The following MARCHF11 variants were observed in gnomAD, a reference collection of about 807,000 sequenced individuals.
MARCHF11 encodes the protein membrane associated ring-CH-type finger 11, also known as E3 ubiquitin-protein ligase MARCHF11.
Under a neutral mutation model 37.3 loss-of-function variants are expected in MARCHF11, and 29 were observed. The observed-to-expected ratio is 0.78, with a 90% CI of 0.58 to 1.06. MARCHF11 has a LOEUF of 1.06. Among genes scored for constraint, MARCHF11 ranks in the 50% least tolerant of loss-of-function variants. The pLI is 0.00. For missense variants in MARCHF11, 482 were observed against 533.4 expected (o/e 0.90, Z 0.95); for synonymous variants, 233 against 228.0 (o/e 1.02, Z -0.20).
chr5:16,106,184 C>T (rs1737036213), intron 2 of MARCHF11, among the ~76,000 whole-genome samples: 1 of 152,060 alleles, frequency 6.6e-6, no homozygotes, highest in African/African-American at 2.4e-5. Context: ...ATGAGACCTT[C>T]CAGGCAGGAG....
chr5:16,129,208 T>A (rs769524258), intron 2 of MARCHF11: 2 of 152,214 alleles, frequency 1.3e-5, no homozygotes, highest in Non-Finnish European at 2.9e-5. Context: ...CTGCTGTATA[T>A]CTTGGCACAA....
At chr5:16,123,171 T>C (rs530740930) in intron 2 of MARCHF11, among the ~76,000 whole-genome samples, 1 of 152,184 alleles carries the variant, frequency 6.6e-6, no homozygotes, top group African/African-American at 2.4e-5. Context: ...CTCAGATACT[T>C]ACATGTTGAA....
chr5:16,091,131 A>G, intron 2 of MARCHF11, 50 bp from the exon 3 acceptor site: 1 of 1,237,134 alleles, frequency 8.1e-7, no homozygotes, highest in Non-Finnish European at 1.0e-6. Flanking sequence ...ATAATTAAAA[A>G]AGAAAAAAAA....
At chr5:16,125,473 C>T (rs1737387639) in intron 2 of MARCHF11, among the ~76,000 whole-genome samples, 1 of 152,140 alleles carries the variant, frequency 6.6e-6, no homozygotes. Flanking sequence ...ATAGAATTAA[C>T]TTCCCAGTAA....
intron 2 of MARCHF11, among the ~76,000 whole-genome samples, chr5:16,114,029 T>C (rs183790021): frequency 1.3e-5 from 2 of 152,292 alleles, no homozygotes; most frequent in Admixed American, 1.3e-4. Context: ...CCCCATATGA[T>C]TGCGAAAATG....
intron 2 of MARCHF11, among the ~76,000 whole-genome samples, chr5:16,151,879 T>C (rs937549861): frequency 6.9e-6 from 1 of 145,888 alleles, no homozygotes; most frequent in Non-Finnish European, 1.5e-5. Flanking sequence ...TTTGTTGTTG[T>C]TGTTTTGTCA....
At chr5:16,113,182 C>T (rs980982502) in intron 2 of MARCHF11, among the ~76,000 whole-genome samples, 1 of 152,016 alleles carries the variant, frequency 6.6e-6, no homozygotes, top group African/African-American at 2.4e-5. Flanking sequence ...CTATTTTTTC[C>T]CAAAATCACC....
At chr5:16,079,966 C>G (rs773821624) in intron 3 of MARCHF11, among the ~76,000 whole-genome samples, 2 of 152,158 alleles carry the variant, frequency 1.3e-5, no homozygotes, top group African/African-American at 4.8e-5. Flanking sequence ...TGGATTTTCA[C>G]TCTTTCTTCT....
chr5:16,107,919 A>T (rs1460642013), intron 2 of MARCHF11, among the ~76,000 whole-genome samples: 1 of 151,980 alleles, frequency 6.6e-6, no homozygotes, highest in Non-Finnish European at 1.5e-5. Context: ...TCCCCCTTCC[A>T]GCTCCCCATC....
chr5:16,134,651 C>T (rs1213523909), intron 2 of MARCHF11, among the ~76,000 whole-genome samples: 2 of 152,080 alleles, frequency 1.3e-5, no homozygotes, highest in Non-Finnish European at 2.9e-5. Flanking sequence ...ACCTATTAGC[C>T]ATACTTCTCA....
chr5:16,086,312 C>T (rs1465758799), intron 3 of MARCHF11, among the ~76,000 whole-genome samples: 1 of 152,086 alleles, frequency 6.6e-6, no homozygotes, highest in Non-Finnish European at 1.5e-5. Flanking sequence ...AGAAAGGGGA[C>T]ATTTCTGCAA....
intron 2 of MARCHF11, among the ~76,000 whole-genome samples, chr5:16,105,847 CCCCT>C (rs915656975): frequency 1.0e-3 from 157 of 151,856 alleles, no homozygotes; most frequent in African/African-American, 3.7e-3. Flanking sequence ...CTTTTGAGTT[CCCCT>C]CCCATCTCTG....
At chr5:16,134,494 C>T (rs932818293) in intron 2 of MARCHF11, among the ~76,000 whole-genome samples, 1 of 152,192 alleles carries the variant, frequency 6.6e-6, no homozygotes, top group African/African-American at 2.4e-5. Context: ...TAGCCAACAA[C>T]TTTCTCCTCT....
chr5:16,092,784 T>C (rs1736807901), intron 2 of MARCHF11, among the ~76,000 whole-genome samples: 1 of 152,266 alleles, frequency 6.6e-6, no homozygotes, highest in Non-Finnish European at 1.5e-5. Context: ...TGATATTATT[T>C]TGTCATTACA....
At chr5:16,166,577 T>C (rs567027192) in intron 2 of MARCHF11, among the ~76,000 whole-genome samples, 101 of 151,980 alleles carry the variant, frequency 6.6e-4, no homozygotes, top group African/African-American at 2.3e-3. Flanking sequence ...CAAATACATA[T>C]AGAAATTTCT....
At chr5:16,143,390 G>A (rs768122934) in intron 2 of MARCHF11, among the ~76,000 whole-genome samples, 4 of 152,192 alleles carry the variant, frequency 2.6e-5, no homozygotes, top group Non-Finnish European at 5.9e-5. Context: ...GGCCCGTTGG[G>A]CCAAGGCAAT....
chr5:16,111,143 A>G (rs948851574), intron 2 of MARCHF11, among the ~76,000 whole-genome samples: 3 of 152,190 alleles, frequency 2.0e-5, no homozygotes, highest in Non-Finnish European at 4.4e-5. Context: ...AAAACAGACT[A>G]ATACAGTAAA....
chr5:16,107,052 T>G (rs543321917), intron 2 of MARCHF11, among the ~76,000 whole-genome samples: 1 of 152,302 alleles, frequency 6.6e-6, no homozygotes, highest in South Asian at 2.1e-4. Context: ...GCAGGTGAGG[T>G]GTGTTACGAA....
chr5:16,135,316 C>T (rs1737589808), intron 2 of MARCHF11, among the ~76,000 whole-genome samples: 1 of 152,052 alleles, frequency 6.6e-6, no homozygotes, highest in South Asian at 2.1e-4. Flanking sequence ...ATGTGTCTGA[C>T]ACAGATCTAG....
Sources: gnomAD v4.1 joint callset for allele counts (sites outside exome capture counted in the v4.1 genomes callset) on GRCh38, gnomAD v4.1.1 for gene constraint, MANE v1.5 for transcripts, NCBI Gene and HGNC (gene_info 2026-07-23, HGNC 2026-07-21) for gene names.